RSAD2: variants seen among roughly 807,000 people sequenced by gnomAD.
The protein encoded by RSAD2 is radical S-adenosyl methionine domain containing 2.
A neutral mutation model predicts 37.7 loss-of-function variants in RSAD2; 38 were observed. That is an observed-to-expected ratio of 1.01 (90% CI 0.78 to 1.32). The LOEUF (loss-of-function observed/expected upper bound fraction) is 1.32, where lower values mean the gene tolerates loss of function less well. Among genes scored for constraint, RSAD2 ranks in the 40% most tolerant of loss-of-function variants. The pLI is 0.00. For synonymous variants in RSAD2, 163 were observed against 157.4 expected, an observed-to-expected ratio of 1.04 and a Z score of -0.27; for missense variants, 428 against 437.5, an observed-to-expected ratio of 0.98 and a Z score of 0.19.
In RSAD2 at chr2:6,886,993, C is replaced by T; in HGVS notation, c.567C>T (p.Val189=). Residue 189 remains valine (V), a synonymous_variant, in exon 3 of 6, where the codon GTC becomes GTT. Transcript: ENST00000382040. The part of the protein sequence containing the change: ...SCDSFDEEVN[V]LIGRGQGKKN... ...ACAGCTTTGACGAGGAAGTCAATGT[C>T]CTTATTGGCCGTGGCCAAGGAAAGA... 1 of 1,614,158 alleles carries T rather than the reference C, an allele frequency of 6.2e-7. No individual in the cohort carries two copies. The highest frequency in any genetic ancestry group is 8.5e-7 in the Non-Finnish European group (1 of 1,180,018).
At chr2:6,889,355 A>G (rs561367958) in intron 3 of RSAD2, among the ~76,000 whole-genome samples, 1 of 152,338 alleles carries the variant, frequency 6.6e-6, no homozygotes, top group African/African-American at 2.4e-5. Context: ...GGAGGCAGAT[A>G]TCAAAAGACC....
rs1235511630 is a variant in RSAD2, at chr2:6,898,008, A to AAG, written c.*2067_*2068insGA. On this transcript the variant is annotated 3_prime_UTR_variant, in exon 6 of 6. Transcript: ENST00000382040. ...AGACTCCGTCTCAAAAAAAAAAAAAAAAAAAAGCAAGAGAGTTCAACTAAG... is the reference window on the plus strand; with the variant it reads ...AGACTCCGTCTCAAAAAAAAAAAAAAAGAAAAAAGCAAGAGAGTTCAACTAAG... The AAG allele has an allele frequency of 1.2e-4, 19 of 152,154 alleles. No individual in the cohort carries two copies. The highest frequency in any genetic ancestry group is 4.6e-4 in the Admixed American group (7 of 15,266). 9.4% of individuals were successfully genotyped at this position (152,154 alleles called of 1,614,324 possible). A position where few individuals can be genotyped will look rare whatever the true frequency, so the allele number is the denominator to read the frequency against.
chr2:6,877,007 A>C (rs1663293573), upstream of RSAD2: 1 of 152,210 alleles, frequency 6.6e-6, no homozygotes, highest in Non-Finnish European at 1.5e-5. Context: ...CTGATGAAAG[A>C]GGGCTAAAAG....
At chr2:6,881,278 T>C (rs1045568486) in intron 1 of RSAD2, among the ~76,000 whole-genome samples, 1 of 151,900 alleles carries the variant, frequency 6.6e-6, no homozygotes, top group African/African-American at 2.4e-5. Context: ...AATAGGGAGG[T>C]GATATAATGC....
chr2:6,876,535 A>G (rs1030379234), upstream of RSAD2, among the ~76,000 whole-genome samples: 1 of 152,332 alleles, frequency 6.6e-6, no homozygotes, highest in East Asian at 1.9e-4. Flanking sequence ...GTGGTTTTCA[A>G]TTGTGCAAGA....
At chr2:6,878,527 C>G (rs1279051675) in intron 1 of RSAD2, among the ~76,000 whole-genome samples, 1 of 152,058 alleles carries the variant, frequency 6.6e-6, no homozygotes, top group African/African-American at 2.4e-5. Context: ...TTTGGGTTTT[C>G]CAGAAACAGT....
At chr2:6,872,576 A>G (rs975442472) in intron 1 of RSAD2, among the ~76,000 whole-genome samples, 2 of 152,176 alleles carry the variant, frequency 1.3e-5, no homozygotes, top group Middle Eastern at 3.2e-3. Context: ...GAAATGAGAA[A>G]GAACCTTGTG....
At position 6,887,067 on chromosome 2, in the gene RSAD2, A is replaced by G; in HGVS notation, c.641A>G (p.Tyr214Cys). Reference protein sequence around the residue: ...LQKLRRWCRDYRVAFKINSVI... With the variant: ...LQKLRRWCRDCRVAFKINSVI... ...AAGCTGAGGAGGTGGTGTAGGGATT[A>G]TAGAGTCGCTTTCAAGATAAATTCT... is the stretch of plus-strand genomic sequence containing the variant. Residue 214 changes from tyrosine (Y) to cysteine (C), a missense_variant, in exon 3 of 6, where the codon TAT (tyrosine) becomes TGT (cysteine). Coordinates refer to ENST00000382040, the MANE Select transcript of RSAD2 (RefSeq NM_080657.5). 2 of 1,614,154 alleles carry G rather than the reference A, an allele frequency of 1.2e-6. No homozygotes were observed.
intron 1 of RSAD2, among the ~76,000 whole-genome samples, chr2:6,882,668 C>G (rs142903576): frequency 1.1e-3 from 168 of 152,228 alleles, no homozygotes; most frequent in African/African-American, 3.5e-3. Context: ...GGTGGCCAGA[C>G]AGTGAATAGA....
rs1663819891 is a variant in RSAD2 at position 6,898,179 on chromosome 2, T to A, written c.*2237T>A. ...TTCTAGCTGAGGGAAACTGTATTTT[T>A]CTTTCCCCAAAGAGGAATGTAATGT... On this transcript the variant is annotated 3_prime_UTR_variant, in exon 6 of 6. Coordinates refer to ENST00000382040, the MANE Select transcript of RSAD2 (RefSeq NM_080657.5). 1 of 152,176 alleles carries A rather than the reference T, an allele frequency of 6.6e-6. No individual in the cohort carries two copies. The highest frequency in any genetic ancestry group is 6.5e-5 in the Admixed American group (1 of 15,278). 9.4% of individuals were successfully genotyped at this position (152,176 alleles called of 1,614,324 possible).
At chr2:6,882,096 T>C (rs1011575658) in intron 1 of RSAD2, among the ~76,000 whole-genome samples, 10 of 152,186 alleles carry the variant, frequency 6.6e-5, no homozygotes, top group African/African-American at 2.4e-4. Context: ...AATAAACCAG[T>C]TTACCTCTCT....
chr2:6,877,312 C>T, upstream of RSAD2: 1 of 161,864 alleles, frequency 6.2e-6, no homozygotes, highest in Non-Finnish European at 1.4e-5. Context: ...GTGAATGATC[C>T]TGTACTCATC....
chr2:6,874,290 C>T (rs1663246644), upstream of RSAD2, among the ~76,000 whole-genome samples: 1 of 152,126 alleles, frequency 6.6e-6, no homozygotes, highest in Non-Finnish European at 1.5e-5. Flanking sequence ...TGAGCCAATT[C>T]AACCTATTTT....
chr2:6,887,033 A>G lies in RSAD2; in HGVS notation c.607A>G (p.Asn203Asp), dbSNP rs1341566920. Residue 203 changes from asparagine to aspartate, a missense_variant, in exon 3 of 6, where the codon AAC becomes GAC. Physicochemically the swap from Asn to Asp is conservative, Grantham distance 23. Coordinates refer to ENST00000382040, the MANE Select transcript of RSAD2 (RefSeq NM_080657.5). Reference sequence around the variant, plus strand: ...CCAAGGAAAGAAGAACCATGTGGAAAACCTTCAAAAGCTGAGGAGGTGGTG... The same window carrying G: ...CCAAGGAAAGAAGAACCATGTGGAAGACCTTCAAAAGCTGAGGAGGTGGTG... Reference protein sequence around the residue: ...RGQGKKNHVENLQKLRRWCRD... With the variant: ...RGQGKKNHVEDLQKLRRWCRD... 1 of 1,614,208 alleles carries G rather than the reference A, an allele frequency of 6.2e-7. No homozygotes were observed. Among genetic ancestry groups the G allele is most frequent in the African/African-American group, 1.3e-5 (1 of 75,058 alleles).
rs201102466 is a variant in RSAD2, at chr2:6,878,090, C to T, written c.290C>T (p.Ser97Phe). The change falls in exon 1 of 6, where the codon TCC becomes TTC. Residue 97 changes from serine (S) to phenylalanine (F), a missense_variant. Coordinates refer to ENST00000382040, the MANE Select transcript of RSAD2 (RefSeq NM_080657.5). ...TTCTGTTTCCACACAGCCAAAACATCCTTTGTGCTGCCCCTTGAGGAAGCA... is the reference window on the plus strand; with the variant it reads ...TTCTGTTTCCACACAGCCAAAACATTCTTTGTGCTGCCCCTTGAGGAAGCA... ...CGFCFHTAKT[S>F]FVLPLEEAKR... 46 of 1,614,162 alleles carry T rather than the reference C, an allele frequency of 2.8e-5. 1 individual carries two copies. Among genetic ancestry groups the T allele is most frequent in the South Asian group, 2.3e-4 (21 of 91,072 alleles).
In RSAD2 at chr2:6,878,009, C is replaced by A. The variant is rs774422184; in HGVS notation, c.209C>A (p.Thr70Asn). The A allele has an allele frequency of 6.4e-5, 104 of 1,614,102 alleles. No individual in the cohort carries two copies. Among genetic ancestry groups the A allele is most frequent in the Non-Finnish European group, 8.4e-5 (99 of 1,180,050 alleles). Residue 70 changes from threonine to asparagine, a missense_variant, in exon 1 of 6, where the codon ACC becomes AAC. Thr to Asn is a moderately conservative substitution (Grantham distance 65). Coordinates refer to ENST00000382040, the MANE Select transcript of RSAD2 (RefSeq NM_080657.5). Reference protein sequence around the residue: ...KEEEEDPPLPTTPTSVNYHFT... With the variant: ...KEEEEDPPLPNTPTSVNYHFT... ...GAGGAAGAGGACCCTCCTCTGCCCA[C>A]CACCCCAACCAGCGTCAACTATCAC...
chr2:6,878,619 G>T (rs1216535440), intron 1 of RSAD2, among the ~76,000 whole-genome samples: 2 of 152,200 alleles, frequency 1.3e-5, no homozygotes, highest in African/African-American at 4.8e-5. Context: ...ATTTGAGTTT[G>T]TGTATATTCT....
chr2:6,884,906 G>A (rs1663485538), intron 2 of RSAD2, among the ~76,000 whole-genome samples: 1 of 152,094 alleles, frequency 6.6e-6, no homozygotes, highest in Non-Finnish European at 1.5e-5. Flanking sequence ...ATATTTTTAG[G>A]CATTGTGAGG....
At chr2:6,886,024 G>C (rs1663511154) in intron 2 of RSAD2, among the ~76,000 whole-genome samples, 1 of 152,108 alleles carries the variant, frequency 6.6e-6, no homozygotes, top group South Asian at 2.1e-4. Flanking sequence ...AATATTAGAG[G>C]ATAGTTGCTT....
Sources: allele counts gnomAD v4.1 joint callset (sites outside exome capture counted in the v4.1 genomes callset), GRCh38; gene constraint gnomAD v4.1.1; transcripts MANE v1.5; gene names NCBI Gene and HGNC (gene_info 2026-07-23, HGNC 2026-07-21).